The following TXNDC8 variants were observed in gnomAD, a reference collection of about 807,000 sequenced individuals.
The protein encoded by TXNDC8 is thioredoxin domain containing 8.
A neutral mutation model predicts 12.9 loss-of-function variants in TXNDC8; 15 were observed. The ratio of observed to expected loss-of-function variants is 1.16; its 90% CI spans 0.78 to 1.79. TXNDC8 has a LOEUF of 1.79. TXNDC8 is among the 40% of genes most tolerant of loss of function. The pLI, the probability that TXNDC8 is intolerant of heterozygous loss-of-function variation, is 0.00. For missense variants in TXNDC8, 128 were observed against 113.2 expected (o/e 1.13, Z -0.59); for synonymous variants, 40 against 35.4 (o/e 1.13, Z -0.46).
rs1209393625 is a variant in TXNDC8, at chr9:110,303,640, T to G, written c.*42A>C. On this transcript the variant is annotated 3_prime_UTR_variant, in exon 5 of 5. Coordinates refer to ENST00000423740, the MANE Select transcript of TXNDC8 (RefSeq NM_001286946.2). ...ATTGATTCAAGTGCTGCGAAAATGT[T>G]GAGGCTTTAAGGAATTTTATTCCTG... 16 of 1,592,246 alleles carry G rather than the reference T, an allele frequency of 1.0e-5. No homozygotes were observed. The highest frequency in any genetic ancestry group is 1.4e-5 in the Non-Finnish European group (16 of 1,166,920).
chr9:110,337,643 T>G, intron 1 of TXNDC8, 130 bp downstream of exon 1: 1 of 845,182 alleles, frequency 1.2e-6, no homozygotes, highest in Non-Finnish European at 1.8e-6. Context: ...GAACAAGAAT[T>G]TAGAACTCTC....
At chr9:110,303,072 A>C (rs1838302403), downstream of TXNDC8, among the ~76,000 whole-genome samples, 1 of 152,240 alleles carries the variant, frequency 6.6e-6, no homozygotes, top group Non-Finnish European at 1.5e-5. Flanking sequence ...AAAAAAAAAA[A>C]ATGATGCATT....
intron 2 of TXNDC8, among the ~76,000 whole-genome samples, chr9:110,332,876 G>A (rs1372644938): frequency 6.6e-6 from 1 of 152,142 alleles, no homozygotes; most frequent in South Asian, 2.1e-4. Flanking sequence ...ATTTTACAAA[G>A]TAAATCAAGG....
intron 3 of TXNDC8, chr9:110,322,919 C>G: frequency 4.1e-6 from 4 of 985,380 alleles, no homozygotes; most frequent in Non-Finnish European, 4.8e-6. Flanking sequence ...ACATGACCTC[C>G]TTCAGGTGCT....
intron 3 of TXNDC8, chr9:110,323,893 A>G (rs1269949383): frequency 1.3e-6 from 2 of 1,550,774 alleles, no homozygotes; most frequent in Admixed American, 3.9e-5. Context: ...TGCTTAAGCA[A>G]AGTCCTGAAA....
At chr9:110,335,905 T>A (rs1839732643) in intron 1 of TXNDC8, among the ~76,000 whole-genome samples, 1 of 152,130 alleles carries the variant, frequency 6.6e-6, no homozygotes, top group East Asian at 1.9e-4. Context: ...CCCACCCAAA[T>A]CTCATCTTGA....
intron 3 of TXNDC8, among the ~76,000 whole-genome samples, chr9:110,310,626 C>T (rs1035147765): frequency 3.3e-5 from 5 of 152,068 alleles, no homozygotes; most frequent in Middle Eastern, 3.2e-3. Context: ...AATACTTTAT[C>T]AGGAAAAAAT....
At chr9:110,303,865 A>G (rs529194546) in intron 4 of TXNDC8, among the ~76,000 whole-genome samples, 3 of 152,342 alleles carry the variant, frequency 2.0e-5, no homozygotes, top group Non-Finnish European at 4.4e-5. Context: ...AATCTCGGAA[A>G]TAAACAAACT....
At position 110,304,321 on chromosome 9, in the gene TXNDC8, C is replaced by T. The variant is rs558339873; in HGVS notation, c.261+146G>A. 80 of 644,692 alleles carry T rather than the reference C, an allele frequency of 1.2e-4. No individual in the cohort carries two copies. In the South Asian group the frequency reaches 1.9e-3, roughly 15 times the overall value. 39.9% of individuals were successfully genotyped at this position (644,692 alleles called of 1,614,324 possible). On this transcript the variant is annotated intron_variant, in intron 4 of 4. Coordinates refer to ENST00000423740, the MANE Select transcript of TXNDC8 (RefSeq NM_001286946.2). ...GAAAAGTCTAGAACTAACTTTACTGCCCGGTGTGCTGCAGGGAGAAACCAT... is the reference window on the plus strand; with the variant it reads ...GAAAAGTCTAGAACTAACTTTACTGTCCGGTGTGCTGCAGGGAGAAACCAT...
intron 2 of TXNDC8, among the ~76,000 whole-genome samples, 190 bp downstream of exon 3, chr9:110,329,041 CT>C (rs372344288): frequency 1.3e-3 from 190 of 151,464 alleles, no homozygotes; most frequent in African/African-American, 4.5e-3. Flanking sequence ...TCTTGCTAAT[CT>C]TTTTTTTTGT....
At chr9:110,312,037 A>C (rs1259254273) in intron 3 of TXNDC8, among the ~76,000 whole-genome samples, 1 of 151,824 alleles carries the variant, frequency 6.6e-6, no homozygotes, top group East Asian at 1.9e-4. Flanking sequence ...CAAGCAGAGC[A>C]GGAGTTATCT....
chr9:110,310,996 A>G (rs563006941), intron 3 of TXNDC8, among the ~76,000 whole-genome samples: 56 of 152,340 alleles, frequency 3.7e-4, no homozygotes, highest in African/African-American at 1.1e-3. Flanking sequence ...CAGGCAGTAA[A>G]GTTTGTTTTA....
At chr9:110,305,855 C>CT (rs1838451107) in intron 3 of TXNDC8, among the ~76,000 whole-genome samples, 1 of 103,528 alleles carries the variant, frequency 9.7e-6, no homozygotes, top group Non-Finnish European at 2.1e-5. Flanking sequence ...TCTTTTCTTT[C>CT]TTTTTCTTTT....
intron 3 of TXNDC8, among the ~76,000 whole-genome samples, chr9:110,324,948 C>T (rs1033368169): frequency 5.4e-4 from 82 of 152,148 alleles, no homozygotes; most frequent in African/African-American, 1.9e-3. Flanking sequence ...CCCATCTCTA[C>T]TAGAAATACA....
chr9:110,333,222 C>T (rs924879630), intron 2 of TXNDC8, among the ~76,000 whole-genome samples: 3 of 152,096 alleles, frequency 2.0e-5, no homozygotes, highest in African/African-American at 2.4e-5. Context: ...GGGAGGTGAG[C>T]GGTGGGTGAG....
At chr9:110,305,788 C>CTTTTCTTTCT (rs1554700938) in intron 3 of TXNDC8, among the ~76,000 whole-genome samples, 1 of 90,680 alleles carries the variant, frequency 1.1e-5, no homozygotes, top group African/African-American at 3.9e-5. Flanking sequence ...CTTTTCTTTT[C>CTTTTCTTTCT]TTTCTTTTCT....
chr9:110,318,349 G>A (rs1422938804), intron 3 of TXNDC8, among the ~76,000 whole-genome samples: 1 of 152,132 alleles, frequency 6.6e-6, no homozygotes, highest in East Asian at 1.9e-4. Context: ...ATTGGGTCTT[G>A]TAAGTCCTTC....
chr9:110,303,856 ATCT>A (rs1310368973), intron 4 of TXNDC8: 1 of 676,288 alleles, frequency 1.5e-6, no homozygotes, highest in Non-Finnish European at 2.4e-6. Context: ...ACGTATAATA[ATCT>A]CGGAAATAAA....
At chr9:110,310,397 G>A (rs558507906) in intron 3 of TXNDC8, among the ~76,000 whole-genome samples, 15 of 152,050 alleles carry the variant, frequency 9.9e-5, no homozygotes, top group Non-Finnish European at 1.3e-4. Context: ...AATTTAAGGC[G>A]ATTTAGCTGA....
Sources: allele counts gnomAD v4.1 joint callset (sites outside exome capture counted in the v4.1 genomes callset), GRCh38; gene constraint gnomAD v4.1.1; transcripts MANE v1.5; gene names NCBI Gene and HGNC (gene_info 2026-07-23, HGNC 2026-07-21).